The following SLC9B1 variants were observed in gnomAD, a reference collection of about 807,000 sequenced individuals.
SLC9B1 encodes the protein solute carrier family 9 member B1.
In SLC9B1, 32 loss-of-function variants were observed where a neutral mutation model predicts 51.7. The observed-to-expected ratio is 0.62, with a 90% CI of 0.47 to 0.83. SLC9B1 has a LOEUF of 0.83. Ranked by LOEUF, SLC9B1 falls within the 40% of genes least tolerant of loss-of-function variation. The pLI is 0.00. For synonymous variants in SLC9B1, 145 were observed against 212.7 expected, an observed-to-expected ratio of 0.68 and a Z score of 2.77; for missense variants, 406 against 613.2, an observed-to-expected ratio of 0.66 and a Z score of 3.57.
intron 3 of SLC9B1, among the ~76,000 whole-genome samples, chr4:102,987,911 A>G (rs1739731759): frequency 6.6e-6 from 1 of 152,150 alleles, no homozygotes; most frequent in African/African-American, 2.4e-5. Flanking sequence ...GATGGATTTA[A>G]GAAGAATTGT....
chr4:103,018,604 G>A (rs942371862), intron 1 of SLC9B1, among the ~76,000 whole-genome samples: 15 of 152,082 alleles, frequency 9.9e-5, no homozygotes, highest in African/African-American at 3.6e-4. Context: ...GTGCCACCTG[G>A]GCCAGTTGTC....
At chr4:102,954,594 A>C (rs1737685435) in intron 3 of SLC9B1, among the ~76,000 whole-genome samples, 1 of 152,186 alleles carries the variant, frequency 6.6e-6, no homozygotes, top group Non-Finnish European at 1.5e-5. Context: ...AGAGATAAAG[A>C]AATCATTCAA....
chr4:102,957,046 C>T (rs1046461434), intron 3 of SLC9B1, among the ~76,000 whole-genome samples: 4 of 151,802 alleles, frequency 2.6e-5, no homozygotes, highest in Non-Finnish European at 4.4e-5. Context: ...AAATCACTAG[C>T]GAGGTTCAGT....
rs530890082 is a variant in SLC9B1, at chr4:102,970,583, C to T, written c.211+19217G>A. ...CCTAGGAAGAAACTGCATGAACTAA[C>T]GAGCAAAATAACCAGCTAACATCAT... is the stretch of plus-strand genomic sequence containing the variant. On this transcript the variant is annotated intron_variant, in intron 3 of 11. Coordinates refer to ENST00000296422, the MANE Select transcript of SLC9B1 (RefSeq NM_139173.4). Among the ~76,000 whole-genome samples, 105 of 152,150 alleles carry T rather than the reference C, an allele frequency of 6.9e-4. 1 individual carries two copies. The highest frequency in any genetic ancestry group is 3.4e-3 in the Middle Eastern group (1 of 294).
chr4:102,976,496 T>C (rs1295550882), intron 3 of SLC9B1, among the ~76,000 whole-genome samples: 1 of 152,200 alleles, frequency 6.6e-6, no homozygotes, highest in Non-Finnish European at 1.5e-5. Flanking sequence ...CAAGGATAGG[T>C]CCCAGTCATA....
intron 11 of SLC9B1, among the ~76,000 whole-genome samples, chr4:102,893,878 G>A (rs1734402532): frequency 6.6e-6 from 1 of 152,104 alleles, no homozygotes; most frequent in Non-Finnish European, 1.5e-5. Context: ...CTGGGTGACA[G>A]AGCAAGTCTC....
chr4:102,887,765 T>G (rs982665006), intron 11 of SLC9B1: 3 of 174,168 alleles, frequency 1.7e-5, no homozygotes, highest in African/African-American at 7.1e-5. Context: ...CCCACCTACA[T>G]TGTTAAATAT....
chr4:102,893,465 G>C (rs1005482546), intron 11 of SLC9B1, among the ~76,000 whole-genome samples: 5 of 152,228 alleles, frequency 3.3e-5, no homozygotes, highest in Non-Finnish European at 4.4e-5. Context: ...TTACAAAGAA[G>C]AGAATGTAAA....
intron 11 of SLC9B1, chr4:102,887,916 T>C (rs1381389933): frequency 6.3e-6 from 1 of 158,096 alleles, no homozygotes; most frequent in African/African-American, 2.4e-5. Flanking sequence ...AGATAGACTC[T>C]TTGCTTTATA....
intron 7 of SLC9B1, among the ~76,000 whole-genome samples, chr4:102,924,789 C>A (rs1289556331): frequency 1.3e-5 from 2 of 152,164 alleles, no homozygotes; most frequent in Non-Finnish European, 2.9e-5. Context: ...ATGCAGCCAA[C>A]AGACACATGA....
At chr4:102,931,225 CAAA>C (rs34843459) in intron 7 of SLC9B1, among the ~76,000 whole-genome samples, 3 of 122,608 alleles carry the variant, frequency 2.4e-5, no homozygotes, top group Non-Finnish European at 1.7e-5. Flanking sequence ...GACTCCGCCT[CAAA>C]AAAAAAAAAA....
chr4:102,990,997 G>A (rs1052783011), intron 2 of SLC9B1, among the ~76,000 whole-genome samples: 5 of 151,928 alleles, frequency 3.3e-5, no homozygotes, highest in African/African-American at 1.2e-4. Flanking sequence ...TTATTAAGGT[G>A]GGTGAAAGGT....
At chr4:102,975,586 A>ATGTTT (rs1217142990) in intron 3 of SLC9B1, among the ~76,000 whole-genome samples, 1 of 62,304 alleles carries the variant, frequency 1.6e-5, no homozygotes, top group Non-Finnish European at 2.7e-5. Flanking sequence ...ATATATATAT[A>ATGTTT]TTTTTTTTTT....
downstream of SLC9B1, chr4:102,897,379 T>G (rs1204538924): frequency 6.4e-6 from 1 of 156,452 alleles, no homozygotes; most frequent in Non-Finnish European, 1.4e-5. Flanking sequence ...ACTAAAGCAC[T>G]TTCAGAAATG....
intron 1 of SLC9B1, among the ~76,000 whole-genome samples, chr4:102,995,677 G>A (rs1394632975): frequency 6.6e-6 from 1 of 152,142 alleles, no homozygotes; most frequent in Non-Finnish European, 1.5e-5. Flanking sequence ...GAATTGGTAG[G>A]TGGTATGCCT....
chr4:102,955,843 G>GAGAAAAAAGAA (rs1553983812), intron 3 of SLC9B1, among the ~76,000 whole-genome samples: 1 of 106,754 alleles, frequency 9.4e-6, no homozygotes, highest in Non-Finnish European at 1.9e-5. Flanking sequence ...GAAAGAGAGA[G>GAGAAAAAAGAA]AGAAAGAAAG....
chr4:102,960,719 A>ACTTT (rs1292724487), intron 3 of SLC9B1, among the ~76,000 whole-genome samples: 2 of 149,944 alleles, frequency 1.3e-5, no homozygotes, highest in Non-Finnish European at 3.0e-5. Flanking sequence ...ATTAAGCTTT[A>ACTTT]CTTTCTTTCT....
chr4:102,995,595 C>A (rs72937478), intron 1 of SLC9B1, among the ~76,000 whole-genome samples: 4,278 of 152,202 alleles, frequency 0.028, 186 homozygotes, highest in African/African-American at 0.093. Flanking sequence ...ATAAGAGAAG[C>A]TTTATACTGA....
intron 9 of SLC9B1, among the ~76,000 whole-genome samples, chr4:102,907,426 T>C (rs1278207599): frequency 2.0e-5 from 3 of 152,274 alleles, no homozygotes; most frequent in Admixed American, 2.0e-4. Flanking sequence ...AAAAACAATT[T>C]GGAAGTCTGC....
Sources: gnomAD v4.1 joint callset for allele counts (sites outside exome capture counted in the v4.1 genomes callset) on GRCh38, gnomAD v4.1.1 for gene constraint, MANE v1.5 for transcripts, NCBI Gene and HGNC (gene_info 2026-07-23, HGNC 2026-07-21) for gene names.